The following SGCZ variants were observed in gnomAD, a reference collection of about 807,000 sequenced individuals.
SGCZ encodes sarcoglycan zeta, also known as zeta-sarcoglycan.
SGCZ carries 40 observed loss-of-function variants against 41.3 expected under a neutral mutation model. That is an observed-to-expected ratio of 0.97 (90% confidence interval 0.75 to 1.26). SGCZ has a LOEUF of 1.26. Ranked by LOEUF, SGCZ falls within the 50% of genes most tolerant of loss-of-function variation. The probability of loss-of-function intolerance (pLI) is 0.00; values close to 1 mark genes in which losing one functional copy is unlikely to be tolerated. For synonymous variants in SGCZ, 206 were observed against 137.5 expected (o/e 1.50, Z -3.49); for missense variants, 552 against 369.8 (o/e 1.49, Z -4.04).
intron 1 of SGCZ, among the ~76,000 whole-genome samples, chr8:14,745,115 G>C (rs933464769): frequency 1.3e-5 from 2 of 152,090 alleles, no homozygotes; most frequent in African/African-American, 4.8e-5. Context: ...CTGACTGTAA[G>C]TTTCAGTTTC....
rs150836522 is a variant in SGCZ at position 15,053,146 on chromosome 8, A to G, written c.39+184439T>C. 1.3e-3 allele frequency among the ~76,000 whole-genome samples: 194 copies of G among 152,058 alleles called. 1 individual carries two copies. The highest frequency in any genetic ancestry group is 4.5e-3 in the African/African-American group (187 of 41,504). On this transcript the variant is annotated intron_variant, in intron 1 of 7. Transcript: ENST00000382080. ...AAATTCCAAGTGTCCTCTCTTTCCT[A>G]TTTGATGCTTTGATTTCACAGCAAA...
intron 5 of SGCZ, among the ~76,000 whole-genome samples, chr8:14,160,107 G>T (rs1803995226): frequency 6.6e-6 from 1 of 152,010 alleles, no homozygotes; most frequent in African/African-American, 2.4e-5. Flanking sequence ...AATTGCTACT[G>T]TCTAAAAAAA....
intron 2 of SGCZ, among the ~76,000 whole-genome samples, chr8:14,526,319 A>G (rs1254628514): frequency 6.6e-6 from 1 of 152,082 alleles, no homozygotes; most frequent in Non-Finnish European, 1.5e-5. Context: ...ATATGGCAAA[A>G]TTTCACTATC....
intron 1 of SGCZ, among the ~76,000 whole-genome samples, chr8:14,749,267 T>C (rs147353393): frequency 2.0e-5 from 3 of 152,300 alleles, no homozygotes; most frequent in East Asian, 3.9e-4. Flanking sequence ...ATCCACACTA[T>C]ATCAAGTTAG....
chr8:15,158,490 C>T (rs1382337126), intron 1 of SGCZ, among the ~76,000 whole-genome samples: 1 of 152,090 alleles, frequency 6.6e-6, no homozygotes, highest in South Asian at 2.1e-4. Context: ...CTAAAAGGTG[C>T]ATAGTGTGAT....
At chr8:14,645,785 T>C (rs1174328113) in intron 1 of SGCZ, among the ~76,000 whole-genome samples, 1 of 151,732 alleles carries the variant, frequency 6.6e-6, no homozygotes. Flanking sequence ...TGTTGATTGA[T>C]ACACTCATTA....
intron 1 of SGCZ, among the ~76,000 whole-genome samples, chr8:14,725,257 C>T (rs1810012816): frequency 6.6e-6 from 1 of 152,156 alleles, no homozygotes; most frequent in African/African-American, 2.4e-5. Flanking sequence ...ACACTTAATT[C>T]CCTACTTTGT....
chr8:14,498,169 A>G (rs1802046811), intron 2 of SGCZ, among the ~76,000 whole-genome samples: 1 of 152,064 alleles, frequency 6.6e-6, no homozygotes, highest in East Asian at 1.9e-4. Context: ...CTATCTAGGC[A>G]TTGTCAACAT....
At chr8:15,082,614 G>C (rs959888532) in intron 1 of SGCZ, among the ~76,000 whole-genome samples, 7 of 152,014 alleles carry the variant, frequency 4.6e-5, no homozygotes, top group African/African-American at 1.7e-4. Flanking sequence ...ATATAAAAAC[G>C]TCCAGTGCAG....
intron 1 of SGCZ, among the ~76,000 whole-genome samples, chr8:14,724,228 A>C (rs1307757993): frequency 1.3e-5 from 2 of 152,092 alleles, no homozygotes; most frequent in Non-Finnish European, 2.9e-5. Context: ...GAGGCAAGGG[A>C]CTGGAAACAA....
intron 1 of SGCZ, among the ~76,000 whole-genome samples, chr8:14,674,777 C>T (rs546529901): frequency 2.0e-5 from 3 of 151,328 alleles, no homozygotes; most frequent in Non-Finnish European, 4.4e-5. Flanking sequence ...TGTAGCCCCT[C>T]CCCTGCCCTC....
At chr8:14,369,488 C>A (rs1385325135) in intron 2 of SGCZ, among the ~76,000 whole-genome samples, 1 of 151,910 alleles carries the variant, frequency 6.6e-6, no homozygotes. Flanking sequence ...GGCAGTTTAT[C>A]CCATTAATGA....
rs182187778 is a variant in SGCZ at position 14,652,131 on chromosome 8, G to C, written c.40-97205C>G. 8.6e-5 allele frequency among the ~76,000 whole-genome samples: 13 copies of C among 151,782 alleles called. 1 individual carries two copies. Among genetic ancestry groups the C allele is most frequent in the African/African-American group, 3.1e-4 (13 of 41,342 alleles). ...GATGAATAAATGCATGATAAATTATGGTAGTGAGAAATACATGAGTTCAAG... is the reference window on the plus strand; with the variant it reads ...GATGAATAAATGCATGATAAATTATCGTAGTGAGAAATACATGAGTTCAAG... On this transcript the variant is annotated intron_variant, in intron 1 of 7. Transcript: ENST00000382080.
At chr8:15,227,049 T>A (rs761517516) in intron 1 of SGCZ, among the ~76,000 whole-genome samples, 1 of 152,124 alleles carries the variant, frequency 6.6e-6, no homozygotes, top group Non-Finnish European at 1.5e-5. Context: ...CTGCAAAGCA[T>A]CCAGGTAAAG....
At position 15,112,251 on chromosome 8, in the gene SGCZ, G is replaced by C. The variant is rs1003515906; in HGVS notation, c.39+125334C>G. Reference sequence around the variant, plus strand: ...AATAATATACCACCAGCACTACCCTGATATCTTCTCAACTTTAATTTCCCT... The same window carrying C: ...AATAATATACCACCAGCACTACCCTCATATCTTCTCAACTTTAATTTCCCT... On this transcript the variant is annotated intron_variant, in intron 1 of 7. Transcript: ENST00000382080. Among the ~76,000 whole-genome samples, 4 of 152,150 alleles carry C rather than the reference G, an allele frequency of 2.6e-5. No homozygotes were observed. The South Asian group carries it at 8.3e-4, about 32-fold the overall frequency.
At chr8:14,908,593 C>T (rs993330934) in intron 1 of SGCZ, among the ~76,000 whole-genome samples, 9 of 151,648 alleles carry the variant, frequency 5.9e-5, no homozygotes, top group Non-Finnish European at 1.5e-5. Flanking sequence ...CTACTAAATA[C>T]ACAAAAATTA....
intron 1 of SGCZ, among the ~76,000 whole-genome samples, chr8:15,052,425 G>A (rs58994178): frequency 0.014 from 2,188 of 152,280 alleles, 37 homozygotes; most frequent in African/African-American, 0.049. Context: ...TCATGCAAAG[G>A]TTAGGACAGA....
At chr8:14,888,106 T>G (rs1804877959) in intron 1 of SGCZ, among the ~76,000 whole-genome samples, 1 of 152,040 alleles carries the variant, frequency 6.6e-6, no homozygotes, top group African/African-American at 2.4e-5. Flanking sequence ...CAAGATGTAA[T>G]AAAATAAAAA....
At chr8:14,430,585 A>G (rs944358016) in intron 2 of SGCZ, among the ~76,000 whole-genome samples, 1 of 152,144 alleles carries the variant, frequency 6.6e-6, no homozygotes, top group African/African-American at 2.4e-5. Flanking sequence ...CACGGCCAAC[A>G]TAATACGGAA....
Sources: gnomAD v4.1 joint callset for allele counts (sites outside exome capture counted in the v4.1 genomes callset) on GRCh38, gnomAD v4.1.1 for gene constraint, MANE v1.5 for transcripts, NCBI Gene and HGNC (gene_info 2026-07-23, HGNC 2026-07-21) for gene names.